The following RANBP10 variants were observed in gnomAD, a reference collection of about 807,000 sequenced individuals.
The protein encoded by RANBP10 is RAN binding protein 10, also known as ran-binding protein 10.
A neutral mutation model predicts 72.8 loss-of-function variants in RANBP10; 24 were observed. The ratio of observed to expected loss-of-function variants is 0.33; its 90% confidence interval spans 0.24 to 0.46. The LOEUF is 0.46. RANBP10 is among the 20% of genes least tolerant of loss of function. The probability of loss-of-function intolerance (pLI) is 1.00; values close to 1 mark genes in which losing one functional copy is unlikely to be tolerated. For synonymous variants in RANBP10, 310 were observed against 322.3 expected, an observed-to-expected ratio of 0.96 and a Z score of 0.41; for missense variants, 679 against 817.5, an observed-to-expected ratio of 0.83 and a Z score of 2.07.
At position 67,729,375 on chromosome 16, in the gene RANBP10, CGAGGAGGAG is replaced by C; in HGVS notation, c.1248_1256del (p.Ser420_Ser422del). On this transcript the variant is annotated inframe_deletion, in exon 10 of 14. Transcript: ENST00000317506. The surrounding 1 kb of genome is among the most constrained non-coding windows in gnomAD (Gnocchi z 7.1). ...AATTGACGGAGGATGGGGAAGAGGA[CGAGGAGGAG>C]GAGGAGGACGAGGATGAGGAGCTGG... is the stretch of plus-strand genomic sequence containing the variant. 1.2e-6 allele frequency: 2 copies of C among 1,607,902 alleles called. No homozygotes were observed. Among genetic ancestry groups the C allele is most frequent in the Middle Eastern group, 1.7e-4 (1 of 5,748 alleles).
At chr16:67,794,930 T>TAAAAAAAAAAAAAAAAA (rs1239858200) in intron 2 of RANBP10, among the ~76,000 whole-genome samples, 4 of 54,292 alleles carry the variant, frequency 7.4e-5, no homozygotes, top group African/African-American at 1.2e-4. Flanking sequence ...TGCCTCAAAT[T>TAAAAAAAAAAAAAAAAA]AAAAAAAAAA....
intron 2 of RANBP10, among the ~76,000 whole-genome samples, chr16:67,775,168 A>T (rs1321376560): frequency 1.3e-5 from 2 of 152,088 alleles, no homozygotes; most frequent in East Asian, 3.9e-4. Flanking sequence ...AAAAATTAGC[A>T]GGGTGTGGTG....
At chr16:67,774,756 TGG>T (rs1434599728) in intron 2 of RANBP10, among the ~76,000 whole-genome samples, 12 of 152,196 alleles carry the variant, frequency 7.9e-5, no homozygotes, top group African/African-American at 2.7e-4. Flanking sequence ...CTTCAAATAC[TGG>T]GTGACATTAA....
intron 2 of RANBP10, among the ~76,000 whole-genome samples, chr16:67,772,306 C>G (rs915022137): frequency 6.6e-6 from 1 of 152,066 alleles, no homozygotes; most frequent in Admixed American, 6.6e-5. Flanking sequence ...CAGAAAGTTG[C>G]GTGTGTTGTG....
At chr16:67,780,261 G>A (rs1376890158) in intron 2 of RANBP10, among the ~76,000 whole-genome samples, 2 of 151,948 alleles carry the variant, frequency 1.3e-5, no homozygotes, top group Non-Finnish European at 2.9e-5. Flanking sequence ...AAAAAACACA[G>A]CAGAATGTGA....
Position 67,734,848 on chromosome 16 carries a change from G to T in RANBP10, c.776+10C>A. 1 of 1,571,126 alleles carries T rather than the reference G, an allele frequency of 6.4e-7. No individual in the cohort carries two copies. Among genetic ancestry groups the T allele is most frequent in the South Asian group, 1.2e-5 (1 of 85,790 alleles). ...GTGGGAGTGGGTAAGGGCAGGAGCA[G>T]GGCACTCACTTCTGCAGCACTGCCT... is the stretch of plus-strand genomic sequence containing the variant. On this transcript the variant is annotated intron_variant, in intron 6 of 13. Coordinates refer to ENST00000317506, the MANE Select transcript of RANBP10 (RefSeq NM_020850.3).
rs764502440 is a variant in RANBP10, at chr16:67,730,009, C to T, written c.927G>A (p.Glu309=). Residue 309 remains glutamate, a synonymous_variant, in exon 8 of 14, where the codon GAG becomes GAA. Transcript: ENST00000317506. This position sits in a 1 kb window ranked among gnomAD's most constrained non-coding sequence, Gnocchi z 4.3. ...QKLVLEGRVG[E]AIETTQRFYP... is the part of the protein sequence containing the mutation. Reference sequence around the variant, plus strand: ...AGAAGCGCTGGGTGGTCTCGATGGCCTCGCCCACACGGCCCTCCAGCACCA... The same window carrying T: ...AGAAGCGCTGGGTGGTCTCGATGGCTTCGCCCACACGGCCCTCCAGCACCA... The T allele has an allele frequency of 6.2e-7, 1 of 1,613,342 alleles. No homozygotes were observed. The highest frequency in any genetic ancestry group is 8.5e-7 in the Non-Finnish European group (1 of 1,180,014).
In RANBP10 at chr16:67,728,421, A is replaced by C; in HGVS notation, c.1443T>G (p.His481Gln). The change falls in exon 11 of 14, where the codon CAT (histidine) becomes CAG (glutamine). Residue 481 changes from histidine to glutamine, a missense_variant. By Grantham distance (24) the His-to-Gln change is conservative. Coordinates refer to ENST00000317506, the MANE Select transcript of RANBP10 (RefSeq NM_020850.3). ...TGGACTCATCCGTCTGCAGGTCCTC[A>C]TGCTTGTAGGCACCATTAACAATGC... is the stretch of plus-strand genomic sequence containing the variant. ...STRIVNGAYKHEDLQTDESSM... is the reference protein window; with the variant it reads ...STRIVNGAYKQEDLQTDESSM... 6.2e-7 allele frequency: 1 copy of C among 1,614,128 alleles called. No individual in the cohort carries two copies. The highest frequency in any genetic ancestry group is 8.5e-7 in the Non-Finnish European group (1 of 1,180,012).
Position 67,729,187 on chromosome 16 carries a change from G to T in RANBP10, c.1352+93C>A. On this transcript the variant is annotated intron_variant, in intron 10 of 13. Coordinates refer to ENST00000317506, the MANE Select transcript of RANBP10 (RefSeq NM_020850.3). The surrounding 1 kb of genome is among the most constrained non-coding windows in gnomAD (Gnocchi z 7.1). The stretch of plus-strand genomic sequence containing the variant: ...AGGCACAGACCTGAGATGGAGGCTG[G>T]GGGTGAAGGGCAGGGCGCTCAAAGG... The T allele has an allele frequency of 6.5e-7, 1 of 1,545,704 alleles. No homozygotes were observed. Among genetic ancestry groups the T allele is most frequent in the Non-Finnish European group, 8.7e-7 (1 of 1,146,174 alleles).
intron 2 of RANBP10, among the ~76,000 whole-genome samples, chr16:67,775,292 CAAAG>C (rs2054681973): frequency 6.6e-6 from 1 of 152,004 alleles, no homozygotes; most frequent in African/African-American, 2.4e-5. Flanking sequence ...GTCTGGGTGA[CAAAG>C]AGAGACTCCG....
At chr16:67,779,594 A>G (rs2054774544) in intron 2 of RANBP10, among the ~76,000 whole-genome samples, 1 of 152,112 alleles carries the variant, frequency 6.6e-6, no homozygotes, top group Admixed American at 6.6e-5. Context: ...TCCTCTATTG[A>G]TCTCTGCAGG....
At chr16:67,741,992 C>G (rs1408940145) in intron 4 of RANBP10, among the ~76,000 whole-genome samples, 2 of 152,068 alleles carry the variant, frequency 1.3e-5, no homozygotes, top group African/African-American at 4.8e-5. Flanking sequence ...AGGGGACAGG[C>G]CATATCCCGT....
At chr16:67,775,185 G>A (rs982814957) in intron 2 of RANBP10, among the ~76,000 whole-genome samples, 1 of 152,052 alleles carries the variant, frequency 6.6e-6, no homozygotes, top group Non-Finnish European at 1.5e-5. Flanking sequence ...GGTGGCACAC[G>A]CCTGTAATCC....
chr16:67,749,020 A>G (rs2054144689), intron 3 of RANBP10, among the ~76,000 whole-genome samples: 1 of 152,178 alleles, frequency 6.6e-6, no homozygotes, highest in African/African-American at 2.4e-5. Flanking sequence ...GTAGCCAGAA[A>G]GCAGGGCAAG....
rs2055361122 is a variant in RANBP10, at chr16:67,805,480, C to G, written c.295G>C (p.Ala99Pro). The change falls in exon 2 of 14, where the codon GCC (alanine) becomes CCC (proline). Residue 99 changes from alanine (A) to proline (P), a missense_variant. Physicochemically the swap from Ala to Pro is conservative, Grantham distance 27 (BLOSUM62 -1). Transcript: ENST00000317506. ...ACTTCAAAGTAATAAATGCCACAGG[C>G]AGCAGGTATGGGGTGGGTGGCACGC... ...SVRATHPIPAACGIYYFEVKI... is the reference protein window; with the variant it reads ...SVRATHPIPAPCGIYYFEVKI... 6.2e-7 allele frequency: 1 copy of G among 1,614,036 alleles called. No homozygotes were observed. Among genetic ancestry groups the G allele is most frequent in the African/African-American group, 1.3e-5 (1 of 74,918 alleles).
At chr16:67,748,317 T>C (rs1221498938) in intron 3 of RANBP10, among the ~76,000 whole-genome samples, 1 of 151,198 alleles carries the variant, frequency 6.6e-6, no homozygotes, top group East Asian at 2.0e-4. Context: ...CCCAGGAGTT[T>C]AAGACCAGCC....
chr16:67,789,225 G>C (rs1232094964), intron 2 of RANBP10, among the ~76,000 whole-genome samples: 2 of 148,952 alleles, frequency 1.3e-5, no homozygotes, highest in African/African-American at 5.0e-5. Context: ...CAGGGGAATA[G>C]CTTGAACCTG....
At chr16:67,804,178 C>T (rs1597934028) in intron 2 of RANBP10, among the ~76,000 whole-genome samples, 1 of 152,218 alleles carries the variant, frequency 6.6e-6, no homozygotes, top group Non-Finnish European at 1.5e-5. Context: ...GCATGGTCAC[C>T]AGAGGGGTTG....
chr16:67,766,794 A>C (rs2054510851), intron 3 of RANBP10, among the ~76,000 whole-genome samples: 1 of 152,020 alleles, frequency 6.6e-6, no homozygotes, highest in Admixed American at 6.6e-5. Context: ...CCTTTACTCC[A>C]TCCTCCCACC....
Sources: allele counts gnomAD v4.1 joint callset (sites outside exome capture counted in the v4.1 genomes callset), GRCh38; gene constraint gnomAD v4.1.1; non-coding constraint Gnocchi (gnomAD v3.1); transcripts MANE v1.5; gene names NCBI Gene and HGNC (gene_info 2026-07-23, HGNC 2026-07-21).